SORCS2: variants seen among roughly 807,000 people sequenced by gnomAD.
SORCS2 encodes the protein VPS10 domain-containing receptor SorCS2.
In SORCS2, 100 loss-of-function variants were observed where a neutral mutation model predicts 141.6. That is an observed-to-expected ratio of 0.71 (90% confidence interval 0.60 to 0.83). SORCS2 has a LOEUF of 0.83. Among genes scored for constraint, SORCS2 ranks in the 40% least tolerant of loss-of-function variants. The pLI, the probability that SORCS2 is intolerant of heterozygous loss-of-function variation, is 0.00. For synonymous variants in SORCS2, 789 were observed against 676.9 expected (o/e 1.17, Z -2.57); for missense variants, 1,646 against 1,560.2 (o/e 1.05, Z -0.93).
rs761029055 is a variant in SORCS2, at chr4:7,661,540, G to C, written c.928G>C (p.Val310Leu). 1 of 1,551,992 alleles carries C rather than the reference G, an allele frequency of 6.4e-7. No individual in the cohort carries two copies. Among genetic ancestry groups the C allele is most frequent in the Non-Finnish European group, 8.7e-7 (1 of 1,147,200 alleles). The change falls in exon 6 of 27, where the codon GTG becomes CTG. Residue 310 changes from valine to leucine, a missense_variant. Transcript: ENST00000507866. ...GGACGCTGACCCTGACTTGGTCCAC[G>C]TGGAAGCCCAAGACCTCGGTGGAGG... is the stretch of plus-strand genomic sequence containing the variant. The part of the protein sequence containing the change: ...GVDADPDLVH[V>L]EAQDLGGDFR...
intron 19 of SORCS2, among the ~76,000 whole-genome samples, chr4:7,724,902 T>TGATGGTGGTG (rs1727070010): frequency 2.4e-5 from 1 of 41,454 alleles, no homozygotes. Flanking sequence ...GTGATGGTGG[T>TGATGGTGGTG]GATAGTATTG....
chr4:7,508,444 G>A (rs1335626612), intron 2 of SORCS2, among the ~76,000 whole-genome samples: 1 of 149,692 alleles, frequency 6.7e-6, no homozygotes, highest in Non-Finnish European at 1.5e-5. Context: ...TCCACCTCCC[G>A]GGTTCAAGTG....
intron 1 of SORCS2, among the ~76,000 whole-genome samples, chr4:7,317,456 T>A (rs542779702): frequency 6.6e-6 from 1 of 152,374 alleles, no homozygotes; most frequent in African/African-American, 2.4e-5. Context: ...GTTCCAGGCA[T>A]GTCCAATCTG....
intron 3 of SORCS2, among the ~76,000 whole-genome samples, chr4:7,609,691 GA>G (rs1718282215): frequency 6.6e-6 from 1 of 152,246 alleles, no homozygotes; most frequent in South Asian, 2.1e-4. Flanking sequence ...AGGTGGACGT[GA>G]GCTCCAGAGA....
chr4:7,716,048 G>A (rs980217242), intron 17 of SORCS2, among the ~76,000 whole-genome samples: 1 of 152,244 alleles, frequency 6.6e-6, no homozygotes, highest in Non-Finnish European at 1.5e-5. Flanking sequence ...CTCCACCAGA[G>A]GCTGGACATA....
intron 2 of SORCS2, among the ~76,000 whole-genome samples, chr4:7,525,223 G>A (rs543986674): frequency 3.3e-5 from 5 of 152,242 alleles, no homozygotes; most frequent in South Asian, 4.2e-4. Context: ...GAGGCTTCTG[G>A]GAAGAACGGA....
chr4:7,675,904 C>A, intron 8 of SORCS2, 146 bp from the exon 9 acceptor site: 1 of 815,484 alleles, frequency 1.2e-6, no homozygotes, highest in Non-Finnish European at 1.9e-6. Context: ...CCCAGAGCAG[C>A]CGAGCCAGGA....
rs185049502 is a variant in SORCS2, at chr4:7,234,243, G to A, written c.480+41117G>A. Among the ~76,000 whole-genome samples the A allele has an allele frequency of 1.3e-4, 20 of 152,320 alleles. No homozygotes were observed. In the East Asian group the frequency reaches 2.7e-3, roughly 21 times the overall value. On this transcript the variant is annotated intron_variant, in intron 1 of 26. Coordinates refer to ENST00000507866, the MANE Select transcript of SORCS2 (RefSeq NM_020777.3). ...TGCTGGGTCTGAGCTGCCTGGGGCC[G>A]AGAATAGTAGCGTGGGCTTTGCAGT...
At chr4:7,737,211 C>G (rs1255422825) in intron 26 of SORCS2, 39 bp downstream of exon 26, 2 of 1,549,448 alleles carry the variant, frequency 1.3e-6, no homozygotes, top group Admixed American at 3.9e-5. Context: ...CTCGCAGACT[C>G]TAGGTAACGT....
chr4:7,731,175 T>G (rs1464839697), intron 23 of SORCS2, among the ~76,000 whole-genome samples: 1 of 152,070 alleles, frequency 6.6e-6, no homozygotes, highest in African/African-American at 2.4e-5. Context: ...GCATCAAAAA[T>G]TAAAAGCAGA....
intron 3 of SORCS2, 136 bp downstream of exon 3, chr4:7,531,765 GCT>G (rs1390663669): frequency 1.2e-5 from 10 of 811,738 alleles, no homozygotes; most frequent in Middle Eastern, 2.5e-4. Context: ...TTCCCTCCCA[GCT>G]CTCACTGCCA....
rs1266441451 is a variant in SORCS2 at position 7,433,588 on chromosome 4, G to A, written c.548+37233G>A. The stretch of plus-strand genomic sequence containing the variant: ...CTTGCACTGGATCATATAGGGCAGC[G>A]GCAGGATGCTGCAGCCACCCTTGAA... On this transcript the variant is annotated intron_variant, in intron 2 of 26. Coordinates refer to ENST00000507866, the MANE Select transcript of SORCS2 (RefSeq NM_020777.3). 9.9e-6 allele frequency: 16 copies of A among 1,611,576 alleles called. No homozygotes were observed. The highest frequency in any genetic ancestry group is 4.5e-5 in the East Asian group (2 of 44,802).
At chr4:7,351,867 C>A (rs1342329269) in intron 1 of SORCS2, among the ~76,000 whole-genome samples, 2 of 151,990 alleles carry the variant, frequency 1.3e-5, no homozygotes, top group Non-Finnish European at 2.9e-5. Flanking sequence ...TCCATTCATC[C>A]CCCATCCATT....
At chr4:7,278,926 G>C (rs755845614) in intron 1 of SORCS2, among the ~76,000 whole-genome samples, 18 of 152,306 alleles carry the variant, frequency 1.2e-4, no homozygotes, top group Middle Eastern at 3.4e-3. Context: ...CTCCTACATT[G>C]GGCATCCAGA....
At position 7,479,671 on chromosome 4, in the gene SORCS2, G is replaced by A. The variant is rs1577632778; in HGVS notation, c.549-51859G>A. ...GGCCTGGCAATGTTTGCATCGGGGG[G>A]CCGTGTCCCTCTTCTCCTCCTCTCC... On this transcript the variant is annotated intron_variant, in intron 2 of 26. Coordinates refer to ENST00000507866, the MANE Select transcript of SORCS2 (RefSeq NM_020777.3). Among the ~76,000 whole-genome samples, 4 of 149,828 alleles carry A rather than the reference G, an allele frequency of 2.7e-5. No homozygotes were observed. The South Asian group carries it at 8.3e-4, about 31-fold the overall frequency.
intron 1 of SORCS2, among the ~76,000 whole-genome samples, chr4:7,365,810 A>C (rs142612311): frequency 2.6e-5 from 4 of 152,182 alleles, no homozygotes; most frequent in East Asian, 1.9e-4. Context: ...CCTCCTTGAG[A>C]GAGCGAGCCA....
chr4:7,508,967 T>C (rs1732441551), intron 2 of SORCS2, among the ~76,000 whole-genome samples: 1 of 152,182 alleles, frequency 6.6e-6, no homozygotes, highest in Admixed American at 6.5e-5. Flanking sequence ...GCTCGGGAGA[T>C]GCAGCCACAC....
At chr4:7,481,928 G>A (rs918778594) in intron 2 of SORCS2, among the ~76,000 whole-genome samples, 7 of 100,040 alleles carry the variant, frequency 7.0e-5, no homozygotes, top group East Asian at 1.2e-3. Flanking sequence ...CACCCCTGAC[G>A]TTGTTCAGAC....
chr4:7,360,953 C>T (rs1176205410), intron 1 of SORCS2, among the ~76,000 whole-genome samples: 1 of 151,956 alleles, frequency 6.6e-6, no homozygotes, highest in Non-Finnish European at 1.5e-5. Context: ...CTGGGTTCGC[C>T]CCTGCCTCCT....
Sources: gnomAD v4.1 joint callset for allele counts (sites outside exome capture counted in the v4.1 genomes callset) on GRCh38, gnomAD v4.1.1 for gene constraint, MANE v1.5 for transcripts, NCBI Gene and HGNC (gene_info 2026-07-23, HGNC 2026-07-21) for gene names.